SAMD12: variants seen among roughly 807,000 people sequenced by gnomAD.
SAMD12 encodes the protein sterile alpha motif domain-containing protein 12.
Under a neutral mutation model 15.0 loss-of-function variants are expected in SAMD12, and 9 were observed. The ratio of observed to expected loss-of-function variants is 0.60; its 90% CI spans 0.36 to 1.05. The LOEUF is 1.05. SAMD12 is among the 50% of genes least tolerant of loss of function. The pLI is 0.01. For synonymous variants in SAMD12, 86 were observed against 90.1 expected, an observed-to-expected ratio of 0.96 and a Z score of 0.25; for missense variants, 230 against 234.2, an observed-to-expected ratio of 0.98 and a Z score of 0.12.
intron 2 of SAMD12, among the ~76,000 whole-genome samples, chr8:118,484,604 G>C (rs1328990406): frequency 6.6e-6 from 1 of 152,014 alleles, no homozygotes; most frequent in Admixed American, 6.5e-5. Flanking sequence ...GTCAATAATA[G>C]CTCAAAAAAG....
intron 2 of SAMD12, among the ~76,000 whole-genome samples, chr8:118,580,374 A>C (rs1827261884): frequency 6.6e-6 from 1 of 151,310 alleles, no homozygotes; most frequent in Non-Finnish European, 1.5e-5. Context: ...GTGTAGATGA[A>C]GAATCTGCAA....
chr8:118,616,861 C>A (rs1156647334), intron 1 of SAMD12, among the ~76,000 whole-genome samples: 1 of 152,220 alleles, frequency 6.6e-6, no homozygotes, highest in Non-Finnish European at 1.5e-5. Context: ...GCATTAGATT[C>A]TCAGAGGAGT....
rs541168902 is a variant in SAMD12 at position 118,418,443 on chromosome 8, C to T, written c.322+21389G>A. ...CCCAAAAGAAAAGCCAGGCCAGGCG[C>T]CATGGCTCACGCCTGTAATCCCAGC... On this transcript the variant is annotated intron_variant, in intron 3 of 3. Coordinates refer to ENST00000314727, the MANE Select transcript of SAMD12 (RefSeq NM_207506.3). Among the ~76,000 whole-genome samples, 67 of 152,310 alleles carry T rather than the reference C, an allele frequency of 4.4e-4. 1 individual carries two copies. The highest frequency in any genetic ancestry group is 1.8e-3 in the Admixed American group (27 of 15,304).
chr8:118,218,032 GC>G (rs1356436598), intron 4 of SAMD12, among the ~76,000 whole-genome samples: 1 of 152,134 alleles, frequency 6.6e-6, no homozygotes, highest in Non-Finnish European at 1.5e-5. Flanking sequence ...TGACTAGCAT[GC>G]AGCTCACACC....
chr8:118,503,640 C>T (rs949559489), intron 2 of SAMD12, among the ~76,000 whole-genome samples: 1 of 152,202 alleles, frequency 6.6e-6, no homozygotes, highest in Non-Finnish European at 1.5e-5. Flanking sequence ...GAGGCTAAAC[C>T]TTGGTGAGAA....
intron 2 of SAMD12, among the ~76,000 whole-genome samples, chr8:118,542,117 C>CAAGAATG (rs1351642402): frequency 6.6e-5 from 10 of 152,074 alleles, no homozygotes; most frequent in Admixed American, 5.9e-4. Context: ...TTACTGCATG[C>CAAGAATG]AAGAATGAAA....
intron 1 of SAMD12, among the ~76,000 whole-genome samples, chr8:118,588,331 AG>A (rs1326881355): frequency 6.6e-6 from 1 of 152,196 alleles, no homozygotes; most frequent in Admixed American, 6.5e-5. Flanking sequence ...CCTTGGGCAA[AG>A]GAAACTGCCC....
chr8:118,449,843 T>C (rs1219091214), intron 2 of SAMD12, among the ~76,000 whole-genome samples: 1 of 128,802 alleles, frequency 7.8e-6, no homozygotes, highest in South Asian at 2.6e-4. Flanking sequence ...TGAGAAAATA[T>C]AGAAAAAGGG....
the SAMD12 span, among the ~76,000 whole-genome samples, chr8:118,156,328 T>C: frequency 6.6e-6 from 1 of 152,226 alleles, no homozygotes; most frequent in Non-Finnish European, 1.5e-5. Flanking sequence ...GTGTGAAAAT[T>C]TGGCCTAATA....
intron 4 of SAMD12, among the ~76,000 whole-genome samples, chr8:118,316,550 A>G (rs113746833): frequency 3.3e-5 from 5 of 151,832 alleles, no homozygotes; most frequent in Non-Finnish European, 5.9e-5. Context: ...ACAAACAAAA[A>G]TTTGGAGCTT....
At chr8:118,586,414 C>T (rs1827444026) in intron 1 of SAMD12, among the ~76,000 whole-genome samples, 1 of 149,272 alleles carries the variant, frequency 6.7e-6, no homozygotes, top group African/African-American at 2.5e-5. Context: ...GTGATCATGG[C>T]TCACTGCAGT....
At chr8:118,337,980 G>GT (rs1817167349) in intron 4 of SAMD12, among the ~76,000 whole-genome samples, 1 of 152,238 alleles carries the variant, frequency 6.6e-6, no homozygotes, top group African/African-American at 2.4e-5. Context: ...TAGGATGCCA[G>GT]TTTAAGACTT....
chr8:118,167,387 A>G, the SAMD12 span, among the ~76,000 whole-genome samples: 2 of 152,110 alleles, frequency 1.3e-5, no homozygotes. Flanking sequence ...GCGTGTTACA[A>G]TCAGGAGGTT....
At chr8:118,218,816 T>C (rs945444654) in intron 4 of SAMD12, among the ~76,000 whole-genome samples, 13 of 152,208 alleles carry the variant, frequency 8.5e-5, no homozygotes, top group East Asian at 3.8e-4. Context: ...GCCCACACTT[T>C]GAATAGTGTT....
chr8:118,409,841 A>C (rs1821321690), intron 3 of SAMD12, among the ~76,000 whole-genome samples: 1 of 151,932 alleles, frequency 6.6e-6, no homozygotes, highest in Admixed American at 6.6e-5. Context: ...TAAAACATTT[A>C]ATTAGCTGCA....
intron 4 of SAMD12, among the ~76,000 whole-genome samples, chr8:118,260,042 AC>A (rs1813041764): frequency 6.6e-6 from 1 of 152,118 alleles, no homozygotes; most frequent in Admixed American, 6.6e-5. Context: ...ACAGTGGTGA[AC>A]AAAACAGACG....
intron 4 of SAMD12, among the ~76,000 whole-genome samples, chr8:118,310,355 C>A (rs1256096134): frequency 6.6e-6 from 1 of 152,182 alleles, no homozygotes; most frequent in African/African-American, 2.4e-5. Context: ...CCTTATTGTA[C>A]TGAAGAGGCT....
At chr8:118,567,757 CA>C (rs1424350010) in intron 2 of SAMD12, among the ~76,000 whole-genome samples, 1 of 152,196 alleles carries the variant, frequency 6.6e-6, no homozygotes, top group Non-Finnish European at 1.5e-5. Flanking sequence ...ACATTATCAG[CA>C]ACAAATAGCA....
intron 2 of SAMD12, among the ~76,000 whole-genome samples, chr8:118,531,777 TG>T (rs1170459187): frequency 6.6e-6 from 1 of 152,226 alleles, no homozygotes; most frequent in Non-Finnish European, 1.5e-5. Context: ...ACACTGACTT[TG>T]TATCCTGAGA....
Sources: allele counts gnomAD v4.1 joint callset (sites outside exome capture counted in the v4.1 genomes callset), GRCh38; gene constraint gnomAD v4.1.1; transcripts MANE v1.5; gene names NCBI Gene and HGNC (gene_info 2026-07-23, HGNC 2026-07-21).